The following OSBPL9 variants were observed in gnomAD, a reference collection of about 807,000 sequenced individuals.
OSBPL9 encodes oxysterol-binding protein-related protein 9.
OSBPL9 carries 40 observed loss-of-function variants against 106.6 expected under a neutral mutation model. The ratio of observed to expected loss-of-function variants is 0.38; its 90% CI spans 0.29 to 0.49. The LOEUF (loss-of-function observed/expected upper bound fraction) is 0.49. Ranked by LOEUF, OSBPL9 falls within the 20% of genes least tolerant of loss-of-function variation. OSBPL9 has a pLI of 0.97. For synonymous variants in OSBPL9, 269 were observed against 295.4 expected (o/e 0.91, Z 0.92); for missense variants, 609 against 887.2 (o/e 0.69, Z 3.98).
chr1:51,552,638 T>C, the OSBPL9 span, among the ~76,000 whole-genome samples: 2 of 152,196 alleles, frequency 1.3e-5, no homozygotes, highest in Non-Finnish European at 2.9e-5. Context: ...CTTCAATTTT[T>C]TTTTTAGACG....
At chr1:51,724,308 G>A (rs1047463554) in intron 4 of OSBPL9, among the ~76,000 whole-genome samples, 1 of 151,858 alleles carries the variant, frequency 6.6e-6, no homozygotes, top group Non-Finnish European at 1.5e-5. Flanking sequence ...TTTTGAGATG[G>A]AGTCTCACTC....
At chr1:51,762,094 G>T in intron 11 of OSBPL9, 123 bp downstream of exon 11, 1 of 670,416 alleles carries the variant, frequency 1.5e-6, no homozygotes. Flanking sequence ...TTGGAGATAT[G>T]TTAGTTTTAA....
the OSBPL9 span, among the ~76,000 whole-genome samples, chr1:51,543,397 GT>G: frequency 6.6e-6 from 1 of 151,920 alleles, no homozygotes; most frequent in African/African-American, 2.4e-5. Context: ...ACTCAGAGAG[GT>G]TTTTTTGTTT....
At chr1:51,546,426 G>A in the OSBPL9 span, among the ~76,000 whole-genome samples, 3 of 152,042 alleles carry the variant, frequency 2.0e-5, no homozygotes, top group Admixed American at 6.6e-5. Flanking sequence ...GGCTGGGCGC[G>A]GTGGCTCACG....
At chr1:51,734,842 C>T (rs1330668949) in intron 4 of OSBPL9, among the ~76,000 whole-genome samples, 6 of 152,140 alleles carry the variant, frequency 3.9e-5, no homozygotes, top group Admixed American at 3.9e-4. Context: ...CCCCCAAACC[C>T]TAGTACTTAT....
the OSBPL9 span, among the ~76,000 whole-genome samples, chr1:51,528,223 C>T: frequency 1.3e-4 from 20 of 151,626 alleles, no homozygotes; most frequent in South Asian, 4.1e-3. Context: ...CATATTGAAA[C>T]AGAAGTAAAA....
the OSBPL9 span, among the ~76,000 whole-genome samples, chr1:51,522,385 G>A: frequency 7.9e-5 from 12 of 152,208 alleles, no homozygotes; most frequent in Middle Eastern, 3.4e-3. Flanking sequence ...TTCTTCATTC[G>A]TAGGTTCTGG....
chr1:51,765,973 C>T lies in OSBPL9; in HGVS notation c.930C>T (p.Arg310=), dbSNP rs750200211. 6.0e-5 allele frequency: 96 copies of T among 1,609,796 alleles called. No homozygotes were observed. The highest frequency in any genetic ancestry group is 7.9e-5 in the Non-Finnish European group (93 of 1,178,410). The part of the protein sequence containing the change: ...EFHQSGSSPK[R]LIDSSGSASV... Reference sequence around the variant, plus strand: ...ATCAAAGTGGCTCATCCCCAAAGCGCTTAATAGAGTGAGTAGATGAACAGA... The same window carrying T: ...ATCAAAGTGGCTCATCCCCAAAGCGTTTAATAGAGTGAGTAGATGAACAGA... Residue 310 remains arginine, a synonymous_variant, in exon 12 of 24, where the codon CGC becomes CGT. Coordinates refer to ENST00000428468, the MANE Select transcript of OSBPL9 (RefSeq NM_024586.6).
intron 2 of OSBPL9, among the ~76,000 whole-genome samples, chr1:51,662,907 G>T (rs1362673031): frequency 6.6e-6 from 1 of 151,932 alleles, no homozygotes; most frequent in African/African-American, 2.4e-5. Context: ...ACCAGGCCTG[G>T]CTAATTTTTT....
rs1248593991 is a variant in OSBPL9 at position 51,728,145 on chromosome 1, GC to G, written c.318+14067del. 2.0e-5 allele frequency among the ~76,000 whole-genome samples: 3 copies of G among 152,200 alleles called. No homozygotes were observed. In the East Asian group the frequency reaches 5.8e-4, roughly 29 times the overall value. Reference sequence around the variant, plus strand: ...ACTACAAGGTAAAAGATGGAGCTAAGCGGTAGGTAAGGCTAAACCTTGTCAG... The same window carrying G: ...ACTACAAGGTAAAAGATGGAGCTAAGGGTAGGTAAGGCTAAACCTTGTCAG... On this transcript the variant is annotated intron_variant, in intron 4 of 23. Coordinates refer to ENST00000428468, the MANE Select transcript of OSBPL9 (RefSeq NM_024586.6).
At chr1:51,685,749 A>G (rs540329287) in intron 3 of OSBPL9, among the ~76,000 whole-genome samples, 37 of 152,292 alleles carry the variant, frequency 2.4e-4, no homozygotes, top group Admixed American at 7.2e-4. Context: ...CCTCTTACAA[A>G]AGACCTCTAC....
Position 51,782,570 on chromosome 1 carries a change from A to G in OSBPL9, c.1440A>G (p.Ser480=), listed in dbSNP as rs1255385600. The G allele has an allele frequency of 1.2e-6, 2 of 1,613,760 alleles. No individual in the cohort carries two copies. Among genetic ancestry groups the G allele is most frequent in the South Asian group, 2.2e-5 (2 of 91,072 alleles). Residue 480 remains serine (S), a synonymous_variant, in exon 17 of 24, where the codon TCA becomes TCG. Coordinates refer to ENST00000428468, the MANE Select transcript of OSBPL9 (RefSeq NM_024586.6). ...NDTEENTELV[S]EGPVPWVSKN... ...ATATTTGCTTGCAGGAACTAGTTTC[A>G]GAAGGACCAGTTCCCTGGGTTTCCA...
chr1:51,547,630 G>A, the OSBPL9 span, among the ~76,000 whole-genome samples: 1 of 152,226 alleles, frequency 6.6e-6, no homozygotes, highest in East Asian at 1.9e-4. Context: ...GATCACTTGA[G>A]CCGAGGAGTT....
chr1:51,660,328 A>G lies in OSBPL9; in HGVS notation c.162+8287A>G, dbSNP rs141135895. 1.9e-3 allele frequency among the ~76,000 whole-genome samples: 285 copies of G among 152,330 alleles called. 2 individuals are homozygous for G. The highest frequency in any genetic ancestry group is 6.3e-3 in the African/African-American group (263 of 41,580). On this transcript the variant is annotated intron_variant, in intron 2 of 23. Transcript: ENST00000428468. ...CAACATTCAAAATTTAAAACCTTTGAACAAAAAAAGATACCACAGTCAAAG... is the reference window on the plus strand; with the variant it reads ...CAACATTCAAAATTTAAAACCTTTGGACAAAAAAAGATACCACAGTCAAAG...
chr1:51,618,026 T>TGTGTGG, intron 1 of OSBPL9, among the ~76,000 whole-genome samples: 1 of 112,848 alleles, frequency 8.9e-6, no homozygotes. Context: ...GTGTGTGTGG[T>TGTGTGG]TTTTTTTTTG....
the OSBPL9 span, chr1:51,566,570 T>A: frequency 6.6e-6 from 1 of 152,122 alleles, no homozygotes; most frequent in African/African-American, 2.4e-5. Flanking sequence ...AATATTTCAG[T>A]TCCATTTTGA....
chr1:51,530,193 C>CAAAAAAAAAAAAAAAAAAAAAAAAAAAAA, the OSBPL9 span, among the ~76,000 whole-genome samples: 3 of 55,632 alleles, frequency 5.4e-5, no homozygotes, highest in South Asian at 6.1e-4. Context: ...AAAAAAAAAA[C>CAAAAAAAAAAAAAAAAAAAAAAAAAAAAA]AAAAAAAAAA....
chr1:51,747,279 A>G (rs143097963), intron 6 of OSBPL9, among the ~76,000 whole-genome samples: 271 of 152,320 alleles, frequency 1.8e-3, no homozygotes, highest in Non-Finnish European at 2.8e-3. Flanking sequence ...GAGTTTTAAT[A>G]TAATACCTTT....
intron 4 of OSBPL9, among the ~76,000 whole-genome samples, chr1:51,735,360 A>G (rs964455451): frequency 6.6e-6 from 1 of 152,146 alleles, no homozygotes; most frequent in African/African-American, 2.4e-5. Flanking sequence ...TTCTGTGGGT[A>G]CTGTAGTCAC....
Sources: gnomAD v4.1 joint callset for allele counts (sites outside exome capture counted in the v4.1 genomes callset) on GRCh38, gnomAD v4.1.1 for gene constraint, MANE v1.5 for transcripts, NCBI Gene and HGNC (gene_info 2026-07-23, HGNC 2026-07-21) for gene names.